The following ATP9B variants were observed in gnomAD, a reference collection of about 807,000 sequenced individuals.
ATP9B encodes probable phospholipid-transporting ATPase IIB.
Under a neutral mutation model 146.1 loss-of-function variants are expected in ATP9B, and 110 were observed. The ratio of observed to expected loss-of-function variants is 0.75; its 90% CI spans 0.65 to 0.88. The LOEUF (loss-of-function observed/expected upper bound fraction) is 0.88. ATP9B is among the 40% of genes least tolerant of loss of function. ATP9B has a pLI of 0.00. For synonymous variants in ATP9B, 604 were observed against 569.7 expected, an observed-to-expected ratio of 1.06 and a Z score of -0.86; for missense variants, 1,499 against 1,496.4, an observed-to-expected ratio of 1.00 and a Z score of -0.03.
chr18:79,294,647 C>T lies in ATP9B; in HGVS notation c.1412-8957C>T, dbSNP rs114638445. The stretch of plus-strand genomic sequence containing the variant: ...AGACAAGCAGTGTAAAAAACTATGA[C>T]ACACGAGACACCTGGAAATTAGAAC... On this transcript the variant is annotated intron_variant, in intron 13 of 29. Coordinates refer to ENST00000426216, the MANE Select transcript of ATP9B (RefSeq NM_198531.5). Among the ~76,000 whole-genome samples the T allele has an allele frequency of 6.6e-3, 1,001 of 152,344 alleles. 5 individuals carry two copies. The highest frequency in any genetic ancestry group is 0.022 in the African/African-American group (931 of 41,574).
At chr18:79,156,399 C>T (rs917831070) in intron 7 of ATP9B, among the ~76,000 whole-genome samples, 4 of 152,196 alleles carry the variant, frequency 2.6e-5, no homozygotes, top group Admixed American at 6.5e-5. Context: ...CTGCAGGCAC[C>T]TGCTCATCTC....
intron 11 of ATP9B, among the ~76,000 whole-genome samples, chr18:79,221,872 A>ATT (rs11296944): frequency 0.044 from 4,604 of 105,752 alleles, 194 homozygotes; most frequent in East Asian, 0.14. Context: ...TCTTTGGCCA[A>ATT]TTTTTTTTTT....
chr18:79,297,001 C>G (rs184409393), intron 13 of ATP9B, among the ~76,000 whole-genome samples: 48 of 127,922 alleles, frequency 3.8e-4, no homozygotes, highest in African/African-American at 1.2e-3. Context: ...AAGACACAGA[C>G]GACCCAGAGA....
chr18:79,180,617 C>T (rs1179469069), intron 8 of ATP9B, among the ~76,000 whole-genome samples: 3 of 152,008 alleles, frequency 2.0e-5, no homozygotes, highest in African/African-American at 7.3e-5. Context: ...TTCTGTTTAC[C>T]CATGTGTTTG....
At chr18:79,076,127 A>G (rs921459475) in intron 1 of ATP9B, among the ~76,000 whole-genome samples, 6 of 152,220 alleles carry the variant, frequency 3.9e-5, no homozygotes, top group Non-Finnish European at 7.3e-5. Flanking sequence ...AAAAGTATAT[A>G]AATATTTCCC....
rs371241213 is a variant in ATP9B at position 79,253,492 on chromosome 18, C to A, written c.1219C>A (p.Arg407Ser). Residue 407 changes from arginine to serine, a missense_variant, in exon 12 of 30, where the codon CGC becomes AGC. Transcript: ENST00000426216. ...ACAAGGATTTGTGGGTCCATGGTAC[C>A]GCAATCTTTTTCGGTTCCTTCTCCT... ...TLQGFVGPWY[R>S]NLFRFLLLFS... is the part of the protein sequence containing the mutation. The A allele has an allele frequency of 3.1e-6, 5 of 1,608,728 alleles. No individual in the cohort carries two copies. Among genetic ancestry groups the A allele is most frequent in the Non-Finnish European group, 4.2e-6 (5 of 1,178,354 alleles).
At chr18:79,072,583 C>T (rs1194821323) in intron 1 of ATP9B, among the ~76,000 whole-genome samples, 1 of 51,966 alleles carries the variant, frequency 1.9e-5, no homozygotes, top group Non-Finnish European at 7.0e-5. Flanking sequence ...TCTGATCTCT[C>T]TTTCTTTTCC....
intron 12 of ATP9B, among the ~76,000 whole-genome samples, chr18:79,263,387 A>T (rs1015874803): frequency 1.3e-5 from 2 of 152,190 alleles, no homozygotes; most frequent in African/African-American, 4.8e-5. Flanking sequence ...GTTTTGATGC[A>T]TGTTTGGTTG....
At chr18:79,179,336 G>T (rs1173539810) in intron 8 of ATP9B, among the ~76,000 whole-genome samples, 2 of 150,498 alleles carry the variant, frequency 1.3e-5, no homozygotes, top group African/African-American at 2.4e-5. Flanking sequence ...AATTTTTTTT[G>T]TTTCTTCCTC....
chr18:79,113,208 G>A, intron 3 of ATP9B, 33 bp from the exon 4 acceptor site: 6 of 1,310,262 alleles, frequency 4.6e-6, no homozygotes, highest in Non-Finnish European at 6.5e-6. Flanking sequence ...TTTCCTTGAA[G>A]GAATTTTGTT....
At chr18:79,220,134 G>A (rs1333936156) in intron 11 of ATP9B, among the ~76,000 whole-genome samples, 1 of 152,202 alleles carries the variant, frequency 6.6e-6, no homozygotes, top group African/African-American at 2.4e-5. Flanking sequence ...GTGGATGGCA[G>A]TGAGAGGGCT....
At chr18:79,214,916 G>A (rs1046775173) in intron 11 of ATP9B, among the ~76,000 whole-genome samples, 1 of 152,186 alleles carries the variant, frequency 6.6e-6, no homozygotes, top group African/African-American at 2.4e-5. Context: ...GGGAGGCTGA[G>A]GCAGGTGGGT....
At chr18:79,337,922 G>A (rs967943723) in intron 19 of ATP9B, among the ~76,000 whole-genome samples, 1 of 152,196 alleles carries the variant, frequency 6.6e-6, no homozygotes, top group Non-Finnish European at 1.5e-5. Context: ...TGTGTTCTCT[G>A]TGTAACCTGG....
rs537166341 is a variant in ATP9B, at chr18:79,378,274, C to T, written c.*891C>T. 2.6e-5 allele frequency: 4 copies of T among 152,374 alleles called. No homozygotes were observed. In the East Asian group the frequency reaches 7.7e-4, roughly 29 times the overall value. 9.4% of individuals were successfully genotyped at this position (152,374 alleles called of 1,614,324 possible). A position where few individuals can be genotyped will look rare whatever the true frequency, so the allele number is the denominator to read the frequency against. ...GTAAAAACAGTCAAGTTACTGAGTT[C>T]TCACATAAAGAGCTCTTCTCACACA... On this transcript the variant is annotated 3_prime_UTR_variant, in exon 30 of 30. Coordinates refer to ENST00000426216, the MANE Select transcript of ATP9B (RefSeq NM_198531.5).
intron 15 of ATP9B, among the ~76,000 whole-genome samples, chr18:79,319,619 G>A (rs530880646): frequency 1.1e-4 from 16 of 152,270 alleles, no homozygotes; most frequent in Non-Finnish European, 2.2e-4. Flanking sequence ...TGGAATCACT[G>A]TCCTCAGTGT....
chr18:79,327,579 T>TCTCCGTGGTTAACGTGCC (rs1568697885), intron 15 of ATP9B, among the ~76,000 whole-genome samples: 5 of 72,302 alleles, frequency 6.9e-5, no homozygotes, highest in Admixed American at 2.8e-4. Flanking sequence ...GTTAGCGTGC[T>TCTCCGTGGTTAACGTGCC]CTCCGTGGTT....
intron 18 of ATP9B, 27 bp from the exon 19 acceptor site, chr18:79,337,252 C>T (rs1265518167): frequency 6.2e-7 from 1 of 1,613,204 alleles, no homozygotes; most frequent in South Asian, 1.1e-5. Flanking sequence ...CACGTGTGCA[C>T]ACAGGCGCCT....
At chr18:79,201,758 CG>C (rs1257617195) in intron 9 of ATP9B, among the ~76,000 whole-genome samples, 3 of 151,958 alleles carry the variant, frequency 2.0e-5, no homozygotes, top group African/African-American at 7.3e-5. Flanking sequence ...TTAGTAGAGA[CG>C]GGGTTTCACC....
At chr18:79,299,746 C>T (rs1359705984) in intron 13 of ATP9B, among the ~76,000 whole-genome samples, 1 of 152,240 alleles carries the variant, frequency 6.6e-6, no homozygotes, top group Admixed American at 6.5e-5. Flanking sequence ...TGAAGTTTTG[C>T]AGCCTGCAGG....
Sources: allele counts gnomAD v4.1 joint callset (sites outside exome capture counted in the v4.1 genomes callset), GRCh38; gene constraint gnomAD v4.1.1; transcripts MANE v1.5; gene names NCBI Gene and HGNC (gene_info 2026-07-23, HGNC 2026-07-21).